RANGAP1: variants seen among roughly 807,000 people sequenced by gnomAD.
RANGAP1 encodes Ran GTPase activating protein 1.
Under a neutral mutation model 63.5 loss-of-function variants are expected in RANGAP1, and 38 were observed. That is an observed-to-expected ratio of 0.60 (90% CI 0.46 to 0.78). The LOEUF is 0.78. Among genes scored for constraint, RANGAP1 ranks in the 30% least tolerant of loss-of-function variants. The pLI is 0.00. For missense variants in RANGAP1, 630 were observed against 740.3 expected, an observed-to-expected ratio of 0.85 and a Z score of 1.73; for synonymous variants, 329 against 310.5, an observed-to-expected ratio of 1.06 and a Z score of -0.63.
intron 1 of RANGAP1, chr22:41,285,615 G>A: frequency 3.0e-6 from 3 of 985,444 alleles, no homozygotes; most frequent in Non-Finnish European, 3.6e-6. Context: ...TGGCTCTGCG[G>A]GAGCGACGCG....
intron 1 of RANGAP1, chr22:41,281,579 TG>T (rs1306149839): frequency 1.0e-6 from 1 of 988,186 alleles, no homozygotes; most frequent in Non-Finnish European, 1.2e-6. Context: ...GGCATGACTC[TG>T]GGGTGGGGCA....
rs1436437080 is a variant in RANGAP1 at position 41,256,754 on chromosome 22, A to T, written c.845T>A (p.Val282Asp). 6.2e-7 allele frequency: 1 copy of T among 1,614,134 alleles called. No individual in the cohort carries two copies. Among genetic ancestry groups the T allele is most frequent in the Non-Finnish European group, 8.5e-7 (1 of 1,180,036 alleles). The change falls in exon 8 of 16, where the codon GTT (valine) becomes GAT (aspartate). Residue 282 changes from valine (V) to aspartate (D), a missense_variant. This residue lies in a region of RANGAP1 where 428 missense variants were observed against 465.5 expected (regional missense o/e 0.92). Transcript: ENST00000356244. The part of the protein sequence containing the change: ...GDCLVRSKGA[V>D]AIADAIRGGL... ...GCCGCGGATGGCATCTGCAATGGCAACTGCACCCTTGGAGCGCACCAGGCA... is the reference window on the plus strand; with the variant it reads ...GCCGCGGATGGCATCTGCAATGGCATCTGCACCCTTGGAGCGCACCAGGCA...
At chr22:41,287,371 G>GTTTTTTTTTTTTTTTTTT (rs148508883), upstream of RANGAP1, among the ~76,000 whole-genome samples, 1 of 101,696 alleles carries the variant, frequency 9.8e-6, no homozygotes, top group Admixed American at 8.6e-5. Flanking sequence ...CACAAACAGC[G>GTTTTTTTTTTTTTTTTTT]TTTTTTTTTT....
chr22:41,272,640 C>T (rs1003583681), intron 3 of RANGAP1, among the ~76,000 whole-genome samples: 1 of 152,108 alleles, frequency 6.6e-6, no homozygotes, highest in Non-Finnish European at 1.5e-5. Flanking sequence ...CCTGCCTCAG[C>T]CTCCTGAGTA....
chr22:41,293,781 AG>A, the RANGAP1 span, among the ~76,000 whole-genome samples: 2,643 of 82,244 alleles, frequency 0.032, 154 homozygotes, highest in African/African-American at 0.078. Context: ...AAAAAAAAAA[AG>A]AAAAGAAATA....
At chr22:41,248,451 C>T (rs952431071) in intron 15 of RANGAP1, among the ~76,000 whole-genome samples, 3 of 152,238 alleles carry the variant, frequency 2.0e-5, no homozygotes, top group Admixed American at 1.3e-4. Flanking sequence ...GGGCCGCTCA[C>T]GCTCCGCCAG....
chr22:41,270,282 A>T (rs2034724816), intron 3 of RANGAP1, among the ~76,000 whole-genome samples: 1 of 151,900 alleles, frequency 6.6e-6, no homozygotes, highest in Non-Finnish European at 1.5e-5. Flanking sequence ...ATGGGATTAC[A>T]GGCACCCGCC....
intron 15 of RANGAP1, among the ~76,000 whole-genome samples, chr22:41,248,475 C>A (rs1237631245): frequency 1.3e-5 from 2 of 152,256 alleles, no homozygotes; most frequent in African/African-American, 4.8e-5. Context: ...CGCCTCCCCA[C>A]ATGCACCAAG....
At position 41,249,528 on chromosome 22, in the gene RANGAP1, C is replaced by G. The variant is rs1192514199; in HGVS notation, c.1573-77G>C. 3 of 1,593,580 alleles carry G rather than the reference C, an allele frequency of 1.9e-6. No individual in the cohort carries two copies. The African/African-American group carries it at 4.0e-5, about 21-fold the overall frequency. On this transcript the variant is annotated intron_variant, in intron 14 of 15. Coordinates refer to ENST00000356244, the MANE Select transcript of RANGAP1 (RefSeq NM_002883.4). ...GCCCCTGGACTCCACCATCCAGACT[C>G]TGCTGATAGTGCCCACAACTGAGTC...
chr22:41,280,133 T>TA (rs2035410505), intron 2 of RANGAP1, among the ~76,000 whole-genome samples: 1 of 151,834 alleles, frequency 6.6e-6, no homozygotes, highest in Non-Finnish European at 1.5e-5. Flanking sequence ...AGGAAGTCTA[T>TA]AAACGTTAGA....
intron 11 of RANGAP1, 100 bp downstream of exon 11, chr22:41,254,208 C>T (rs879225398): frequency 2.3e-6 from 3 of 1,305,770 alleles, no homozygotes; most frequent in Non-Finnish European, 3.2e-6. Flanking sequence ...TTTGTGGCTA[C>T]TGTGCTTAAG....
chr22:41,272,531 C>G (rs2034899620), intron 3 of RANGAP1, among the ~76,000 whole-genome samples: 2 of 150,300 alleles, frequency 1.3e-5, no homozygotes, highest in South Asian at 4.2e-4. Context: ...ATTTTTTTTT[C>G]TTTTTTTTGA....
At chr22:41,280,587 G>C (rs1449447425) in intron 2 of RANGAP1, 2 of 1,112,178 alleles carry the variant, frequency 1.8e-6, no homozygotes, top group Non-Finnish European at 2.4e-6. Context: ...GGATCATGGG[G>C]GTTAAGGGCA....
rs73430542 is a variant in RANGAP1, at chr22:41,256,615, A to G, written c.888+96T>C. The stretch of plus-strand genomic sequence containing the variant: ...GAAGTGGAGGAGCTGGGATATGGAC[A>G]CAGGCCCACCTGCCTTCAGACCAGA... On this transcript the variant is annotated intron_variant, in intron 8 of 15. Transcript: ENST00000356244. 0.01 allele frequency: 10,740 copies of G among 1,070,572 alleles called. 719 individuals carry two copies. In the African/African-American group the frequency reaches 0.15, roughly 14 times the overall value. 66.3% of individuals were successfully genotyped at this position (1,070,572 alleles called of 1,614,324 possible).
chr22:41,277,983 G>C (rs574432054), intron 2 of RANGAP1, among the ~76,000 whole-genome samples: 12 of 151,604 alleles, frequency 7.9e-5, no homozygotes, highest in African/African-American at 2.7e-4. Flanking sequence ...CATTCAGCCT[G>C]TGCTGGGAGA....
intron 2 of RANGAP1, among the ~76,000 whole-genome samples, chr22:41,279,850 C>T (rs1241134110): frequency 6.1e-5 from 9 of 148,456 alleles, no homozygotes; most frequent in Non-Finnish European, 1.2e-4. Context: ...GTAATCCGAA[C>T]ACTTTGGGAG....
At chr22:41,267,550 A>T (rs910020587) in intron 4 of RANGAP1, among the ~76,000 whole-genome samples, 2 of 152,038 alleles carry the variant, frequency 1.3e-5, no homozygotes, top group African/African-American at 4.8e-5. Flanking sequence ...GCCTCTTTCT[A>T]TTTCCTTCCA....
chr22:41,256,397 TC>T, intron 8 of RANGAP1, 107 bp from the exon 9 acceptor site: 1 of 1,145,894 alleles, frequency 8.7e-7, no homozygotes, highest in Non-Finnish European at 1.3e-6. Flanking sequence ...GGCTCTGTCC[TC>T]CAGGTGGGGC....
chr22:41,293,002 G>A, the RANGAP1 span, among the ~76,000 whole-genome samples: 716 of 151,922 alleles, frequency 4.7e-3, 6 homozygotes, highest in African/African-American at 0.016. Flanking sequence ...TTGGGAGGCC[G>A]AGGCGGGCGG....
Sources: gnomAD v4.1 joint callset for allele counts (sites outside exome capture counted in the v4.1 genomes callset) on GRCh38, gnomAD v4.1.1 for gene constraint, gnomAD v4.1.1 regional missense constraint, MANE v1.5 for transcripts, NCBI Gene and HGNC (gene_info 2026-07-23, HGNC 2026-07-21) for gene names.